Variants in LAPTM4B observed in about 807,000 individuals in gnomAD.
LAPTM4B encodes lysosomal protein transmembrane 4 beta, also known as lysosomal-associated transmembrane protein 4B.
In LAPTM4B, 26 loss-of-function variants were observed where a neutral mutation model predicts 28.5. That is an observed-to-expected ratio of 0.91 (90% confidence interval 0.67 to 1.27). LAPTM4B has a LOEUF of 1.27. LAPTM4B is among the 50% of genes most tolerant of loss of function. LAPTM4B has a pLI of 0.00. For synonymous variants in LAPTM4B, 109 were observed against 106.4 expected, an observed-to-expected ratio of 1.02 and a Z score of -0.15; for missense variants, 288 against 285.8, an observed-to-expected ratio of 1.01 and a Z score of -0.06.
chr8:97,777,179 C>T (rs1816235464), intron 1 of LAPTM4B, among the ~76,000 whole-genome samples: 1 of 116,442 alleles, frequency 8.6e-6, no homozygotes, highest in African/African-American at 3.3e-5. Flanking sequence ...CAGAGTCTCA[C>T]TCTGTGGCCC....
chr8:97,819,234 T>G lies in LAPTM4B; in HGVS notation c.503T>G (p.Phe168Cys). 6.4e-7 allele frequency: 1 copy of G among 1,562,392 alleles called. No homozygotes were observed. Among genetic ancestry groups the G allele is most frequent in the Non-Finnish European group, 8.8e-7 (1 of 1,137,068 alleles). The change falls in exon 5 of 7, where the codon TTT (phenylalanine) becomes TGT (cysteine). Residue 168 changes from phenylalanine to cysteine, a missense_variant. Coordinates refer to ENST00000521545, the MANE Select transcript of LAPTM4B (RefSeq NM_018407.6). ...ILLFISIILT[F>C]KGYLISCVWN... ...CTGTTTATTAGCATTATCTTGACTTTTAAGGTAAGCATGAAGATTTTACTT... is the reference window on the plus strand; with the variant it reads ...CTGTTTATTAGCATTATCTTGACTTGTAAGGTAAGCATGAAGATTTTACTT...
At chr8:97,814,001 T>A (rs1228298692) in intron 2 of LAPTM4B, among the ~76,000 whole-genome samples, 1 of 152,204 alleles carries the variant, frequency 6.6e-6, no homozygotes, top group Admixed American at 6.6e-5. Context: ...TATAAAATAT[T>A]TATTACCCGT....
At chr8:97,781,981 CTTTTT>C (rs140423500) in intron 1 of LAPTM4B, among the ~76,000 whole-genome samples, 3 of 140,274 alleles carry the variant, frequency 2.1e-5, no homozygotes, top group Non-Finnish European at 4.6e-5. Flanking sequence ...ACTTTGGGGA[CTTTTT>C]TTTTTTTTTT....
intron 6 of LAPTM4B, among the ~76,000 whole-genome samples, chr8:97,845,635 C>T (rs1194608407): frequency 6.6e-6 from 1 of 151,960 alleles, no homozygotes; most frequent in Non-Finnish European, 1.5e-5. Context: ...CCCCCACACC[C>T]AGTGTTAGAC....
chr8:97,844,026 T>G (rs1817391974), intron 6 of LAPTM4B, among the ~76,000 whole-genome samples: 1 of 151,546 alleles, frequency 6.6e-6, no homozygotes, highest in Non-Finnish European at 1.5e-5. Context: ...CCAATAAATT[T>G]CCATTTTGCC....
chr8:97,841,759 T>G (rs541656978), intron 6 of LAPTM4B, among the ~76,000 whole-genome samples: 2 of 152,342 alleles, frequency 1.3e-5, no homozygotes, highest in East Asian at 3.9e-4. Context: ...TTGGCTTAAG[T>G]AAAGGAATCT....
At chr8:97,796,580 A>G (rs576448138) in intron 1 of LAPTM4B, among the ~76,000 whole-genome samples, 1 of 152,196 alleles carries the variant, frequency 6.6e-6, no homozygotes, top group Non-Finnish European at 1.5e-5. Context: ...GACCTAGTTT[A>G]TAATCATTGT....
intron 1 of LAPTM4B, among the ~76,000 whole-genome samples, chr8:97,778,672 G>C (rs574236129): frequency 5.3e-5 from 8 of 152,194 alleles, no homozygotes; most frequent in African/African-American, 1.9e-4. Flanking sequence ...CCTGCACCTG[G>C]AACTGTTTAC....
intron 4 of LAPTM4B, among the ~76,000 whole-genome samples, chr8:97,816,911 G>A (rs891983945): frequency 6.6e-6 from 1 of 150,756 alleles, no homozygotes; most frequent in Non-Finnish European, 1.5e-5. Context: ...CTGCACTCCA[G>A]CCTGGGCAAT....
At chr8:97,840,541 G>A (rs1175720298) in intron 6 of LAPTM4B, among the ~76,000 whole-genome samples, 1 of 152,118 alleles carries the variant, frequency 6.6e-6, no homozygotes, top group African/African-American at 2.4e-5. Flanking sequence ...CTCATCTCCC[G>A]ATGTCTTAGG....
chr8:97,785,118 TTC>T (rs1816380507), intron 1 of LAPTM4B, among the ~76,000 whole-genome samples: 1 of 151,892 alleles, frequency 6.6e-6, no homozygotes, highest in African/African-American at 2.4e-5. Context: ...GGCAGTTTCA[TTC>T]TGTCACCCAT....
chr8:97,778,611 TTGA>T (rs1240431689), intron 1 of LAPTM4B, among the ~76,000 whole-genome samples: 19 of 152,172 alleles, frequency 1.2e-4, no homozygotes, highest in Non-Finnish European at 2.2e-4. Flanking sequence ...TTGTGTCCGG[TTGA>T]TAACACCCAA....
chr8:97,842,161 C>T lies in LAPTM4B; in HGVS notation c.604-9236C>T, dbSNP rs190226376. Among the ~76,000 whole-genome samples the T allele has an allele frequency of 1.2e-4, 18 of 152,240 alleles. 1 individual carries two copies. The highest frequency in any genetic ancestry group is 1.0e-4 in the Non-Finnish European group (7 of 68,026). On this transcript the variant is annotated intron_variant, in intron 6 of 6. Transcript: ENST00000521545. ...TATGTGAATGAATGTGGCTAAGTCC[C>T]GATAAAGCTTTACTTACAAACACTG...
chr8:97,807,688 A>G (rs182135441), intron 2 of LAPTM4B, among the ~76,000 whole-genome samples: 1 of 152,018 alleles, frequency 6.6e-6, no homozygotes, highest in Non-Finnish European at 1.5e-5. Flanking sequence ...AAGAGTAAAA[A>G]GAAAAGGCAA....
intron 6 of LAPTM4B, 93 bp downstream of exon 6, chr8:97,825,246 G>A: frequency 1.5e-6 from 1 of 660,820 alleles, no homozygotes; most frequent in South Asian, 2.1e-5. Flanking sequence ...CATTTTTATT[G>A]TTACTGAAAC....
intron 6 of LAPTM4B, among the ~76,000 whole-genome samples, chr8:97,849,201 A>T (rs1467266694): frequency 2.0e-5 from 3 of 152,154 alleles, no homozygotes; most frequent in Non-Finnish European, 4.4e-5. Context: ...CATCCTACTG[A>T]GAGGCCTTCC....
At chr8:97,842,708 G>A (rs368765397) in intron 6 of LAPTM4B, among the ~76,000 whole-genome samples, 6 of 151,640 alleles carry the variant, frequency 4.0e-5, no homozygotes, top group South Asian at 2.1e-4. Flanking sequence ...TAGTAGAGAC[G>A]GAGTTTCACC....
chr8:97,783,098 C>A (rs1365770222), intron 1 of LAPTM4B, among the ~76,000 whole-genome samples: 22 of 121,170 alleles, frequency 1.8e-4, no homozygotes, highest in Admixed American at 1.2e-3. Flanking sequence ...TTTTAAATAT[C>A]CTTGTTCAGT....
At chr8:97,816,202 CCTTTTCATTAATT>C (rs1372921759) in intron 4 of LAPTM4B, 22 bp downstream of exon 4, 4 of 1,581,898 alleles carry the variant, frequency 2.5e-6, no homozygotes, top group South Asian at 2.3e-5. Context: ...TCTTACTGCT[CCTTTTCATTAATT>C]CTTTTCATTA....
Sources: allele counts gnomAD v4.1 joint callset (sites outside exome capture counted in the v4.1 genomes callset), GRCh38; gene constraint gnomAD v4.1.1; transcripts MANE v1.5; gene names NCBI Gene and HGNC (gene_info 2026-07-23, HGNC 2026-07-21).